MANBA: variants seen among roughly 807,000 people sequenced by gnomAD.
MANBA encodes beta-mannosidase.
MANBA carries 83 observed loss-of-function variants against 111.1 expected under a neutral mutation model. The ratio of observed to expected loss-of-function variants is 0.75; its 90% CI spans 0.63 to 0.90. The LOEUF is 0.90. Among genes scored for constraint, MANBA ranks in the 40% least tolerant of loss-of-function variants. The pLI is 0.00. For synonymous variants in MANBA, 370 were observed against 378.7 expected (o/e 0.98, Z 0.27); for missense variants, 1,036 against 1,069.0 (o/e 0.97, Z 0.43).
chr4:102,698,851 G>T (rs1247881262), intron 5 of MANBA, among the ~76,000 whole-genome samples: 1 of 151,742 alleles, frequency 6.6e-6, no homozygotes, highest in Non-Finnish European at 1.5e-5. Flanking sequence ...CTCTTTTTTG[G>T]TTCCATATGA....
intron 1 of MANBA, among the ~76,000 whole-genome samples, chr4:102,744,658 T>C (rs919270431): frequency 5.3e-5 from 8 of 152,176 alleles, no homozygotes; most frequent in African/African-American, 1.2e-4. Flanking sequence ...GCAGCTGCAA[T>C]TGGAGTCACC....
intron 11 of MANBA, among the ~76,000 whole-genome samples, chr4:102,664,304 A>C (rs1184610228): frequency 6.6e-6 from 1 of 152,230 alleles, no homozygotes; most frequent in Non-Finnish European, 1.5e-5. Context: ...AAAGGGGCAT[A>C]AAACATACTA....
chr4:102,734,785 G>A (rs990603135), intron 1 of MANBA, among the ~76,000 whole-genome samples: 1 of 152,154 alleles, frequency 6.6e-6, no homozygotes, highest in African/African-American at 2.4e-5. Flanking sequence ...GGCTCCAGCT[G>A]TGCAGTCCAC....
intron 5 of MANBA, among the ~76,000 whole-genome samples, chr4:102,711,713 C>T (rs1722075727): frequency 6.6e-6 from 1 of 152,146 alleles, no homozygotes; most frequent in Admixed American, 6.5e-5. Flanking sequence ...ACCTAAGTGT[C>T]CATCAACAGA....
chr4:102,715,507 T>C (rs1052144986), intron 4 of MANBA, among the ~76,000 whole-genome samples: 4 of 152,210 alleles, frequency 2.6e-5, no homozygotes, highest in Non-Finnish European at 5.9e-5. Flanking sequence ...TTTTTTTAAC[T>C]TTTAAGTTCA....
At chr4:102,690,840 C>A in intron 5 of MANBA, 69 bp from the exon 6 acceptor site, 1 of 591,566 alleles carries the variant, frequency 1.7e-6, no homozygotes, top group Non-Finnish European at 2.4e-6. Flanking sequence ...CACTGCATTT[C>A]TCAGGATTCA....
At chr4:102,714,589 A>G (rs757823623) in intron 4 of MANBA, 28 bp from the exon 5 acceptor site, 1 of 1,596,830 alleles carries the variant, frequency 6.3e-7, no homozygotes, top group Non-Finnish European at 8.6e-7. Flanking sequence ...AAAAGAAGAT[A>G]TATTCTGATT....
intron 6 of MANBA, among the ~76,000 whole-genome samples, chr4:102,690,017 C>A (rs1249912723): frequency 1.3e-5 from 2 of 152,122 alleles, no homozygotes; most frequent in African/African-American, 4.8e-5. Flanking sequence ...GAAGTTGACT[C>A]TTCTTTCAAG....
intron 5 of MANBA, among the ~76,000 whole-genome samples, chr4:102,691,492 G>A (rs1578906802): frequency 6.6e-6 from 1 of 151,068 alleles, no homozygotes; most frequent in Admixed American, 6.6e-5. Context: ...GGTGAAGGAA[G>A]GCTTTCTCTC....
At chr4:102,662,449 T>C (rs1419653058) in intron 11 of MANBA, among the ~76,000 whole-genome samples, 1 of 150,592 alleles carries the variant, frequency 6.6e-6, no homozygotes, top group East Asian at 2.0e-4. Flanking sequence ...CTGAGGCTAC[T>C]CGGGAGAATT....
At chr4:102,732,312 G>A (rs1299452363) in intron 1 of MANBA, among the ~76,000 whole-genome samples, 1 of 152,224 alleles carries the variant, frequency 6.6e-6, no homozygotes, top group Non-Finnish European at 1.5e-5. Context: ...ACAATATATA[G>A]AAGGGAATTG....
intron 1 of MANBA, among the ~76,000 whole-genome samples, chr4:102,741,084 A>G (rs1456193271): frequency 6.6e-6 from 1 of 152,228 alleles, no homozygotes; most frequent in Non-Finnish European, 1.5e-5. Context: ...TCTACAAGGA[A>G]CTCAAACAAA....
intron 1 of MANBA, among the ~76,000 whole-genome samples, chr4:102,753,476 T>C (rs924253643): frequency 1.3e-5 from 2 of 152,162 alleles, no homozygotes; most frequent in Non-Finnish European, 2.9e-5. Context: ...ATTTAGTGCA[T>C]GATAAAAGTA....
At chr4:102,732,634 CG>C (rs908058634) in intron 1 of MANBA, among the ~76,000 whole-genome samples, 2 of 152,192 alleles carry the variant, frequency 1.3e-5, no homozygotes, top group African/African-American at 4.8e-5. Flanking sequence ...TAAAACAACA[CG>C]TAATCACCAA....
chr4:102,736,641 T>C (rs1723226631), intron 1 of MANBA, among the ~76,000 whole-genome samples: 1 of 152,176 alleles, frequency 6.6e-6, no homozygotes, highest in South Asian at 2.1e-4. Context: ...AAAACACTTA[T>C]CAAAAACAAG....
intron 13 of MANBA, among the ~76,000 whole-genome samples, chr4:102,645,530 T>C (rs1447533215): frequency 6.6e-6 from 1 of 152,086 alleles, no homozygotes; most frequent in African/African-American, 2.4e-5. Flanking sequence ...TTGTTTGTTT[T>C]TGTTTTTTAA....
chr4:102,650,483 A>C, intron 13 of MANBA, 54 bp downstream of exon 13: 1 of 1,528,348 alleles, frequency 6.5e-7, no homozygotes, highest in Non-Finnish European at 9.1e-7. Flanking sequence ...AATCTACATA[A>C]TCTCTTACAT....
intron 1 of MANBA, among the ~76,000 whole-genome samples, chr4:102,746,861 A>T (rs1723605028): frequency 6.6e-6 from 1 of 151,976 alleles, no homozygotes; most frequent in African/African-American, 2.4e-5. Context: ...AGTCCCAGAT[A>T]CTTGGGAGGC....
In MANBA at chr4:102,664,701, C is replaced by T; in HGVS notation, c.1469G>A (p.Arg490Lys). Residue 490 changes from arginine to lysine, a missense_variant, in exon 11 of 17, where the codon AGA (arginine) becomes AAA (lysine). Coordinates refer to ENST00000647097, the MANE Select transcript of MANBA (RefSeq NM_005908.4). ...DYVTLYVKNI[R>K]ELVLAGDKSR... is the part of the protein sequence containing the mutation. ...ATTACTTACTGCCAGTACGAGCTCTCTGATGTTTTTCACATAGAGTGTCAC... is the reference window on the plus strand; with the variant it reads ...ATTACTTACTGCCAGTACGAGCTCTTTGATGTTTTTCACATAGAGTGTCAC... The T allele has an allele frequency of 2.5e-6, 4 of 1,612,976 alleles. No homozygotes were observed. The highest frequency in any genetic ancestry group is 2.5e-6 in the Non-Finnish European group (3 of 1,178,900).
Sources: allele counts gnomAD v4.1 joint callset (sites outside exome capture counted in the v4.1 genomes callset), GRCh38; gene constraint gnomAD v4.1.1; transcripts MANE v1.5; gene names NCBI Gene and HGNC (gene_info 2026-07-23, HGNC 2026-07-21).